Variants in TMCO5A observed in about 807,000 individuals in gnomAD.
TMCO5A encodes transmembrane and coiled-coil domain-containing protein 5A.
In TMCO5A, 34 loss-of-function variants were observed where a neutral mutation model predicts 42.3. The ratio of observed to expected loss-of-function variants is 0.80; its 90% confidence interval spans 0.61 to 1.07. TMCO5A has a LOEUF of 1.07. Ranked by LOEUF, TMCO5A falls within the 50% of genes least tolerant of loss-of-function variation. The pLI, the probability that TMCO5A is intolerant of heterozygous loss-of-function variation, is 0.00. For missense variants in TMCO5A, 357 were observed against 327.9 expected (o/e 1.09, Z -0.69); for synonymous variants, 131 against 115.6 (o/e 1.13, Z -0.86).
chr15:38,010,170 G>A, the TMCO5A span, among the ~76,000 whole-genome samples: 1 of 151,668 alleles, frequency 6.6e-6, no homozygotes, highest in Non-Finnish European at 1.5e-5. Context: ...TCAGGAGATC[G>A]AGACCATCCT....
the TMCO5A span, among the ~76,000 whole-genome samples, chr15:38,011,645 T>G: frequency 6.6e-6 from 1 of 152,196 alleles, no homozygotes; most frequent in Non-Finnish European, 1.5e-5. Flanking sequence ...GGTCTGTTTA[T>G]TATAGAATGC....
chr15:38,015,928 G>A, the TMCO5A span, among the ~76,000 whole-genome samples: 2 of 152,196 alleles, frequency 1.3e-5, no homozygotes, highest in African/African-American at 4.8e-5. Context: ...AATATGCAGA[G>A]CATAGAGGAT....
chr15:37,995,944 T>C, the TMCO5A span, among the ~76,000 whole-genome samples: 6 of 151,976 alleles, frequency 3.9e-5, no homozygotes, highest in African/African-American at 1.2e-4. Context: ...GCAAGAAGAA[T>C]GAAAACAGTT....
At position 37,941,304 on chromosome 15, in the gene TMCO5A, C is replaced by T. The variant is rs187422364; in HGVS notation, c.444+99C>T. The T allele has an allele frequency of 4.4e-4, 555 of 1,254,902 alleles. 5 individuals carry two copies. The African/African-American group carries it at 7.3e-3, about 16-fold the overall frequency. The allele number at this position is 1,254,902 out of a possible 1,614,324, so 77.7% of individuals were successfully genotyped here. A position where few individuals can be genotyped will look rare whatever the true frequency, so the allele number is the denominator to read the frequency against. On this transcript the variant is annotated intron_variant, in intron 7 of 11. Coordinates refer to ENST00000319669, the MANE Select transcript of TMCO5A (RefSeq NM_152453.4). ...CAAGTGATTGATTTACATTAAGGTT[C>T]CAGATCCAAGACCATGATGGGGCTA... is the stretch of plus-strand genomic sequence containing the variant.
intron 5 of TMCO5A, 129 bp from the exon 6 acceptor site, chr15:37,938,029 C>A: frequency 1.3e-6 from 1 of 772,516 alleles, no homozygotes; most frequent in Non-Finnish European, 2.1e-6. Context: ...CACAGGTCAC[C>A]AAATATCTAC....
chr15:38,001,046 T>G, the TMCO5A span, among the ~76,000 whole-genome samples: 2 of 152,088 alleles, frequency 1.3e-5, no homozygotes, highest in African/African-American at 4.8e-5. Flanking sequence ...AGTCAGATGT[T>G]TCTTTGTTGC....
chr15:38,028,325 T>C, the TMCO5A span, among the ~76,000 whole-genome samples: 13 of 152,234 alleles, frequency 8.5e-5, no homozygotes, highest in Admixed American at 6.5e-4. Flanking sequence ...TCTGTGTCTT[T>C]GTTAAAGATG....
At chr15:37,989,205 G>A in the TMCO5A span, among the ~76,000 whole-genome samples, 1 of 151,590 alleles carries the variant, frequency 6.6e-6, no homozygotes, top group Non-Finnish European at 1.5e-5. Context: ...AGTAATTTGA[G>A]TCTTCTTTTT....
chr15:37,977,907 G>A, the TMCO5A span, among the ~76,000 whole-genome samples: 1 of 152,324 alleles, frequency 6.6e-6, no homozygotes, highest in South Asian at 2.1e-4. Flanking sequence ...ACAAATAGTG[G>A]GGGCAGGGAA....
intron 10 of TMCO5A, among the ~76,000 whole-genome samples, chr15:37,947,131 T>C (rs1195781323): frequency 6.6e-6 from 1 of 152,200 alleles, no homozygotes; most frequent in African/African-American, 2.4e-5. Context: ...TGTTTTTAGT[T>C]CTGTTTATGT....
At chr15:37,949,773 C>T (rs1226522704) in intron 11 of TMCO5A, among the ~76,000 whole-genome samples, 2 of 152,026 alleles carry the variant, frequency 1.3e-5, no homozygotes, top group African/African-American at 4.8e-5. Flanking sequence ...TAAATTACCC[C>T]CAAAACTTAG....
chr15:38,010,383 C>CAA, the TMCO5A span, among the ~76,000 whole-genome samples: 2,786 of 40,242 alleles, frequency 0.069, 361 homozygotes, highest in Non-Finnish European at 0.094. Flanking sequence ...ACTCCGTCTC[C>CAA]AAAAAAAAAA....
At chr15:38,001,468 C>G in the TMCO5A span, among the ~76,000 whole-genome samples, 2 of 147,690 alleles carry the variant, frequency 1.4e-5, no homozygotes, top group Non-Finnish European at 3.0e-5. Flanking sequence ...ATTAGCCACT[C>G]TATGTCTTTT....
chr15:37,965,530 AG>A (rs546663689), intron 11 of TMCO5A, among the ~76,000 whole-genome samples: 28 of 152,328 alleles, frequency 1.8e-4, no homozygotes, highest in African/African-American at 6.0e-4. Context: ...ATTAATAACC[AG>A]GGTATATAAG....
At chr15:37,980,120 C>T in the TMCO5A span, among the ~76,000 whole-genome samples, 1 of 152,168 alleles carries the variant, frequency 6.6e-6, no homozygotes, top group African/African-American at 2.4e-5. Context: ...CAGGGAAGTG[C>T]AGAGGCCAGA....
At chr15:38,027,150 C>T in the TMCO5A span, among the ~76,000 whole-genome samples, 9 of 152,162 alleles carry the variant, frequency 5.9e-5, no homozygotes, top group East Asian at 3.9e-4. Context: ...GTAGATCCAC[C>T]GACAGCTTGC....
At chr15:38,007,883 T>G in the TMCO5A span, among the ~76,000 whole-genome samples, 1 of 61,908 alleles carries the variant, frequency 1.6e-5, no homozygotes, top group African/African-American at 5.5e-5. Context: ...TTTTTTTTTT[T>G]TTTTTTTTTT....
the TMCO5A span, among the ~76,000 whole-genome samples, chr15:38,031,797 C>A: frequency 1.3e-5 from 2 of 152,124 alleles, no homozygotes; most frequent in Non-Finnish European, 2.9e-5. Flanking sequence ...AGCCACTGAG[C>A]TCTAGAGTAA....
At position 37,951,082 on chromosome 15, in the gene TMCO5A, C is replaced by A. The variant is rs775680726; in HGVS notation, c.715C>A (p.Leu239Met). Residue 239 changes from leucine to methionine, a missense_variant, in exon 12 of 12, where the codon CTG becomes ATG. Physicochemically the swap from Leu to Met is conservative, Grantham distance 15 (BLOSUM62 2). Transcript: ENST00000319669. ...CATCACCCTATTTTTCATCAGACTG[C>A]TGAGCTACATGTTTTTTCATGTAAG... ...FFITLFFIRL[L>M]SYMFFHVRFI... The A allele has an allele frequency of 1.1e-5, 17 of 1,613,024 alleles. No homozygotes were observed. Among genetic ancestry groups the A allele is most frequent in the Non-Finnish European group, 1.4e-5 (17 of 1,179,838 alleles).
Sources: gnomAD v4.1 joint callset for allele counts (sites outside exome capture counted in the v4.1 genomes callset) on GRCh38, gnomAD v4.1.1 for gene constraint, MANE v1.5 for transcripts, NCBI Gene and HGNC (gene_info 2026-07-23, HGNC 2026-07-21) for gene names.